Variants in SLC4A3 observed in about 807,000 individuals in gnomAD.
SLC4A3 encodes solute carrier family 4 member 3, also known as anion exchange protein 3.
In SLC4A3, 47 loss-of-function variants were observed where a neutral mutation model predicts 114.2. The observed-to-expected ratio is 0.41, with a 90% CI of 0.33 to 0.52. SLC4A3 has a LOEUF of 0.52. Among genes scored for constraint, SLC4A3 ranks in the 20% least tolerant of loss-of-function variants. The pLI, the probability that SLC4A3 is intolerant of heterozygous loss-of-function variation, is 0.21. For synonymous variants in SLC4A3, 693 were observed against 710.3 expected (o/e 0.98, Z 0.39); for missense variants, 1,312 against 1,668.3 (o/e 0.79, Z 3.72).
intron 10 of SLC4A3, 95 bp from the exon 11 acceptor site, chr2:219,633,785 A>G: frequency 2.0e-6 from 3 of 1,525,200 alleles, no homozygotes; most frequent in Non-Finnish European, 2.6e-6. Flanking sequence ...GGGAGGGAGA[A>G]GCAGGTCTCA....
rs779025878 is a variant in SLC4A3, at chr2:219,639,578, G to C, written c.3120G>C (p.Leu1040=). Residue 1040 remains leucine, a synonymous_variant, in exon 20 of 23, where the codon CTG becomes CTC. Coordinates refer to ENST00000358055, the MANE Select transcript of SLC4A3 (RefSeq NM_005070.4). This position sits in a 1 kb window ranked among gnomAD's most constrained non-coding sequence, Gnocchi z 5.9. ...GCTCCCTGGGGGGGCTCTGTGGGCT[G>C]TTTGGGTTGCCCTGGCTCACGGCTG... is the stretch of plus-strand genomic sequence containing the variant. ...LIGSLGGLCG[L]FGLPWLTAAT... The C allele has an allele frequency of 1.2e-6, 2 of 1,614,120 alleles. No individual in the cohort carries two copies. Among genetic ancestry groups the C allele is most frequent in the Admixed American group, 1.7e-5 (1 of 60,030 alleles).
Position 219,641,023 on chromosome 2 carries a change from C to T in SLC4A3, c.3621+61C>T. The T allele has an allele frequency of 6.7e-7, 1 of 1,492,320 alleles. No homozygotes were observed. The allele number at this position is 1,492,320 out of a possible 1,614,324, so 92.4% of individuals were successfully genotyped here. On this transcript the variant is annotated intron_variant, in intron 22 of 22. Coordinates refer to ENST00000358055, the MANE Select transcript of SLC4A3 (RefSeq NM_005070.4). The surrounding 1 kb of genome is among the most constrained non-coding windows in gnomAD (Gnocchi z 4.0). ...GCAAATGGGCACTGGGTTCCAATCT[C>T]TGTTTGGCCACCCACTAGTTGTGTT...
Position 219,631,467 on chromosome 2 carries a change from G to A in SLC4A3, c.812-501G>A, listed in dbSNP as rs951737115. 7.7e-7 allele frequency: 1 copy of A among 1,302,448 alleles called. No individual in the cohort carries two copies. The highest frequency in any genetic ancestry group is 1.0e-6 in the Non-Finnish European group (1 of 987,486). 80.7% of individuals were successfully genotyped at this position (1,302,448 alleles called of 1,614,324 possible). On this transcript the variant is annotated intron_variant, in intron 6 of 22. Transcript: ENST00000358055. The surrounding 1 kb of genome is among the most constrained non-coding windows in gnomAD (Gnocchi z 6.3). ...AGGGCCACCAACTTGTGAGTAACGGGGCTGCTGGCCTTTCCCCGACTGCTG... is the reference window on the plus strand; with the variant it reads ...AGGGCCACCAACTTGTGAGTAACGGAGCTGCTGGCCTTTCCCCGACTGCTG...
Position 219,640,443 on chromosome 2 carries a change from C to T in SLC4A3, c.3291C>T (p.Val1097=). The T allele has an allele frequency of 1.2e-6, 2 of 1,613,512 alleles. No homozygotes were observed. Among genetic ancestry groups the T allele is most frequent in the Non-Finnish European group, 1.7e-6 (2 of 1,179,640 alleles). Residue 1097 remains valine, a synonymous_variant, in exon 21 of 23, where the codon GTC becomes GTT. Transcript: ENST00000358055. ...LIASLVGLSI[V]MGAVLRRIPL... ...CACCTCCTCCAGGCCTGTCCATCGT[C>T]ATGGGGGCTGTGCTGCGTCGGATCC...
rs1698785709 is a variant in SLC4A3 at position 219,628,186 on chromosome 2, G to T, written c.51+143G>T. 8.6e-6 allele frequency: 7 copies of T among 816,558 alleles called. No individual in the cohort carries two copies. The highest frequency in any genetic ancestry group is 3.0e-5 in the Admixed American group (1 of 32,902). The allele number at this position is 816,558 out of a possible 1,614,324, so 50.6% of individuals were successfully genotyped here. A position where few individuals can be genotyped will look rare whatever the true frequency, so the allele number is the denominator to read the frequency against. On this transcript the variant is annotated intron_variant, in intron 2 of 22. Coordinates refer to ENST00000358055, the MANE Select transcript of SLC4A3 (RefSeq NM_005070.4). This position sits in a 1 kb window ranked among gnomAD's most constrained non-coding sequence, Gnocchi z 4.8. ...GCTGGGGGTTACGGAGAAAGAGGGGGGTTTTTGATATTTTCCAGATCCGTA... is the reference window on the plus strand; with the variant it reads ...GCTGGGGGTTACGGAGAAAGAGGGGTGTTTTTGATATTTTCCAGATCCGTA...
intron 13 of SLC4A3, 56 bp from the exon 14 acceptor site, chr2:219,635,617 G>A (rs952443412): frequency 1.3e-6 from 2 of 1,495,118 alleles, no homozygotes; most frequent in Non-Finnish European, 1.8e-6. Flanking sequence ...CCAACAGCCC[G>A]GGGCCTCCGA....
Position 219,628,844 on chromosome 2 carries a change from CCACT to C in SLC4A3, c.217+280_217+283del, listed in dbSNP as rs372962307. On this transcript the variant is annotated intron_variant, in intron 3 of 22. Coordinates refer to ENST00000358055, the MANE Select transcript of SLC4A3 (RefSeq NM_005070.4). The surrounding 1 kb of genome is among the most constrained non-coding windows in gnomAD (Gnocchi z 4.8). ...GTGACCTTCCCCTTCCCCTTCGTCC[CCACT>C]CACTCCCTCCTTGTCCCACCTCGGC... 8.6e-6 allele frequency: 5 copies of C among 582,402 alleles called. No individual in the cohort carries two copies. The highest frequency in any genetic ancestry group is 3.7e-5 in the African/African-American group (2 of 53,458). The allele number at this position is 582,402 out of a possible 1,614,324, so 36.1% of individuals were successfully genotyped here.
chr2:219,628,445 T>C lies in SLC4A3; in HGVS notation c.92T>C (p.Val31Ala), dbSNP rs1559195651. The change falls in exon 3 of 23, where the codon GTG becomes GCG. Residue 31 changes from valine (V) to alanine (A), a missense_variant. By Grantham distance (64) the Val-to-Ala change is moderately conservative. Transcript: ENST00000358055. The surrounding 1 kb of genome is among the most constrained non-coding windows in gnomAD (Gnocchi z 4.8). ...PLEEPPLSPDVEEEDDDLGKT... is the reference protein window; with the variant it reads ...PLEEPPLSPDAEEEDDDLGKT... ...GAGGAGCCCCCTCTAAGTCCAGACGTGGAGGAGGAGGACGATGACTTGGGC... is the reference window on the plus strand; with the variant it reads ...GAGGAGCCCCCTCTAAGTCCAGACGCGGAGGAGGAGGACGATGACTTGGGC... The C allele has an allele frequency of 6.2e-7, 1 of 1,613,380 alleles. No homozygotes were observed. The highest frequency in any genetic ancestry group is 1.7e-5 in the Admixed American group (1 of 59,904).
Position 219,632,363 on chromosome 2 carries a change from G to C in SLC4A3, c.1062G>C (p.Glu354Asp), listed in dbSNP as rs759608866. ...WIKFEEDVEE[E>D]TERWGKPHVA... ...AGTTTGAGGAGGACGTGGAGGAGGA[G>C]ACGGAGCGCTGGGGGAAGCCCCATG... is the stretch of plus-strand genomic sequence containing the variant. The change falls in exon 8 of 23, where the codon GAG (glutamate) becomes GAC (aspartate). Residue 354 changes from glutamate (E) to aspartate (D), a missense_variant. Glu to Asp is a conservative substitution (Grantham distance 45, BLOSUM62 2). Around this residue, in one of 4 missense-constraint regions of SLC4A3, gnomAD observed 771 missense variants for 977.7 expected, o/e 0.79. Coordinates refer to ENST00000358055, the MANE Select transcript of SLC4A3 (RefSeq NM_005070.4). 2 of 1,613,938 alleles carry C rather than the reference G, an allele frequency of 1.2e-6. No homozygotes were observed. Among genetic ancestry groups the C allele is most frequent in the Non-Finnish European group, 1.7e-6 (2 of 1,179,976 alleles).
chr2:219,638,364 C>G lies in SLC4A3; in HGVS notation c.2856+111C>G. The G allele has an allele frequency of 2.2e-6, 2 of 912,076 alleles. No individual in the cohort carries two copies. Among genetic ancestry groups the G allele is most frequent in the Non-Finnish European group, 3.4e-6 (2 of 583,702 alleles). 56.5% of individuals were successfully genotyped at this position (912,076 alleles called of 1,614,324 possible). On this transcript the variant is annotated intron_variant, in intron 18 of 22. Coordinates refer to ENST00000358055, the MANE Select transcript of SLC4A3 (RefSeq NM_005070.4). This position sits in a 1 kb window ranked among gnomAD's most constrained non-coding sequence, Gnocchi z 7.5. The stretch of plus-strand genomic sequence containing the variant: ...TGGGATCAGGCCTGAACTCAACTTT[C>G]CCAGTGGAGTGGCCGCCCTGGGGGC...
At position 219,633,918 on chromosome 2, in the gene SLC4A3, GA is replaced by G. The variant is rs761050028; in HGVS notation, c.1504del (p.Ser502AlafsTer2). 1.9e-6 allele frequency: 3 copies of G among 1,561,660 alleles called. No homozygotes were observed. Among genetic ancestry groups the G allele is most frequent in the East Asian group, 2.4e-5 (1 of 42,288 alleles). The stretch of plus-strand genomic sequence containing the variant: ...TGCCTGGGGGAGATGGTCACCGGGG[GA>G]AAAGCCTGAAGCTGCTGGAGAAGAT... ...HMPGGDGHRG[K>X]SLKLLEKIPE... is the part of the protein sequence containing the mutation. On this transcript the variant is annotated frameshift_variant, in exon 11 of 23. Transcript: ENST00000358055. LOFTEE classifies it high-confidence loss of function.
At chr2:219,640,016 G>A (rs923770320) in intron 20 of SLC4A3, among the ~76,000 whole-genome samples, 1 of 151,968 alleles carries the variant, frequency 6.6e-6, no homozygotes, top group African/African-American at 2.4e-5. Flanking sequence ...TGCAAGCTCC[G>A]CCTCCCAGGT....
In SLC4A3 at chr2:219,637,826, G is replaced by T. The variant is rs909119177; in HGVS notation, c.2766+15G>T. ...TGGGGGGCAAGGTGCGTGGCTGCTG[G>T]GTGTGGAGCCCCCAAGAGTCCCACA... On this transcript the variant is annotated intron_variant, in intron 17 of 22. Transcript: ENST00000358055. The surrounding 1 kb of genome is among the most constrained non-coding windows in gnomAD (Gnocchi z 4.6). 2.5e-6 allele frequency: 4 copies of T among 1,580,882 alleles called. No homozygotes were observed. The African/African-American group carries it at 5.4e-5, about 21-fold the overall frequency.
rs983999249 is a variant in SLC4A3 at position 219,637,011 on chromosome 2, A to C, written c.2535+137A>C. The C allele has an allele frequency of 2.5e-6, 2 of 804,710 alleles. No homozygotes were observed. Among genetic ancestry groups the C allele is most frequent in the Non-Finnish European group, 3.9e-6 (2 of 508,758 alleles). The allele number at this position is 804,710 out of a possible 1,614,324, so 49.8% of individuals were successfully genotyped here. Reference sequence around the variant, plus strand: ...GTGTTGGGAGTGAGGGGTTCTAGGGACACCCTAGGCTAGGTCTGAGCTGAA... The same window carrying C: ...GTGTTGGGAGTGAGGGGTTCTAGGGCCACCCTAGGCTAGGTCTGAGCTGAA... On this transcript the variant is annotated intron_variant, in intron 16 of 22. Transcript: ENST00000358055. The surrounding 1 kb of genome is among the most constrained non-coding windows in gnomAD (Gnocchi z 4.6).
Position 219,638,720 on chromosome 2 carries a change from AG to A in SLC4A3, c.2877del (p.Leu960SerfsTer3). The A allele has an allele frequency of 3.1e-6, 5 of 1,614,108 alleles. No individual in the cohort carries two copies. Among genetic ancestry groups the A allele is most frequent in the Non-Finnish European group, 4.2e-6 (5 of 1,180,018 alleles). ...CCATGCAGAAGCTGACAGTGCCTAC[AG>A]GGCTCTCAGTGACCTCTCCCGATAA... ...TYTQKLTVPTGLSVTSPDKRS... is the reference protein window; with the variant it reads ...TYTQKLTVPTXLSVTSPDKRS... On this transcript the variant is annotated frameshift_variant, in exon 19 of 23. Coordinates refer to ENST00000358055, the MANE Select transcript of SLC4A3 (RefSeq NM_005070.4). LOFTEE classifies it high-confidence loss of function. This position sits in a 1 kb window ranked among gnomAD's most constrained non-coding sequence, Gnocchi z 7.5.
In SLC4A3 at chr2:219,631,234, G is replaced by A. The variant is rs935702775; in HGVS notation, c.812-734G>A. On this transcript the variant is annotated intron_variant, in intron 6 of 22. Transcript: ENST00000358055. This position sits in a 1 kb window ranked among gnomAD's most constrained non-coding sequence, Gnocchi z 6.3. ...GCGGAGGCCGAGGTCTCGGCCACCG[G>A]GAGAATGACGAGCCCACTGGAGAAG... The A allele has an allele frequency of 1.6e-6, 2 of 1,254,018 alleles. No homozygotes were observed. Among genetic ancestry groups the A allele is most frequent in the African/African-American group, 3.1e-5 (2 of 64,444 alleles). The allele number at this position is 1,254,018 out of a possible 1,614,324, so 77.7% of individuals were successfully genotyped here.
In SLC4A3 at chr2:219,630,361, G is replaced by A. The variant is rs1356974794; in HGVS notation, c.811+9G>A. Reference sequence around the variant, plus strand: ...CCTGGACGACATGAAGAGTGAGTGAGACCTTGTGGCAGCCCCCATGGTCCA... The same window carrying A: ...CCTGGACGACATGAAGAGTGAGTGAAACCTTGTGGCAGCCCCCATGGTCCA... On this transcript the variant is annotated intron_variant, in intron 6 of 22. Coordinates refer to ENST00000358055, the MANE Select transcript of SLC4A3 (RefSeq NM_005070.4). This position sits in a 1 kb window ranked among gnomAD's most constrained non-coding sequence, Gnocchi z 6.9. The A allele has an allele frequency of 6.3e-6, 10 of 1,589,356 alleles. No homozygotes were observed. Among genetic ancestry groups the A allele is most frequent in the Middle Eastern group, 1.7e-4 (1 of 5,952 alleles).
chr2:219,637,334 T>C lies in SLC4A3; in HGVS notation c.2536-247T>C, dbSNP rs1699157207. On this transcript the variant is annotated intron_variant, in intron 16 of 22. Coordinates refer to ENST00000358055, the MANE Select transcript of SLC4A3 (RefSeq NM_005070.4). The surrounding 1 kb of genome is among the most constrained non-coding windows in gnomAD (Gnocchi z 4.6). The stretch of plus-strand genomic sequence containing the variant: ...GTATGTATGTTGTGTGTGTGGTGTG[T>C]ATGTGGTATGTTGTGTTTTTTTTGT... 6.6e-6 allele frequency among the ~76,000 whole-genome samples: 1 copy of C among 151,640 alleles called. No individual in the cohort carries two copies. The highest frequency in any genetic ancestry group is 3.4e-3 in the Middle Eastern group (1 of 292).
rs1201445941 is a variant in SLC4A3 at position 219,628,552 on chromosome 2, A to G, written c.199A>G (p.Ser67Gly). 1 of 1,613,102 alleles carries G rather than the reference A, an allele frequency of 6.2e-7. No homozygotes were observed. Among genetic ancestry groups the G allele is most frequent in the East Asian group, 2.2e-5 (1 of 44,852 alleles). Residue 67 changes from serine (S) to glycine (G), a missense_variant, in exon 3 of 23, where the codon AGC becomes GGC. Coordinates refer to ENST00000358055, the MANE Select transcript of SLC4A3 (RefSeq NM_005070.4). The surrounding 1 kb of genome is among the most constrained non-coding windows in gnomAD (Gnocchi z 4.8). ...CCCCGAGAAGCCCAGCCGCAGCTACAGCGAGCGGGACTTTGAGTGTGGGTA... is the reference window on the plus strand; with the variant it reads ...CCCCGAGAAGCCCAGCCGCAGCTACGGCGAGCGGGACTTTGAGTGTGGGTA... ...WDPEKPSRSY[S>G]ERDFEFHRHT...
Sources: allele counts gnomAD v4.1 joint callset (sites outside exome capture counted in the v4.1 genomes callset), GRCh38; gene constraint gnomAD v4.1.1; regional missense constraint gnomAD v4.1.1; non-coding constraint Gnocchi (gnomAD v3.1); transcripts MANE v1.5; gene names NCBI Gene and HGNC (gene_info 2026-07-23, HGNC 2026-07-21).